The following ZBED4 variants were observed in gnomAD, a reference collection of about 807,000 sequenced individuals.
The protein encoded by ZBED4 is zinc finger BED domain-containing protein 4.
Under a neutral mutation model 15.5 loss-of-function variants are expected in ZBED4, and 4 were observed. That is an observed-to-expected ratio of 0.26 (90% CI 0.13 to 0.59). The LOEUF is 0.59. Ranked by LOEUF, ZBED4 falls within the 20% of genes least tolerant of loss-of-function variation. The pLI, the probability that ZBED4 is intolerant of heterozygous loss-of-function variation, is 0.90. For synonymous variants in ZBED4, 692 were observed against 608.5 expected, an observed-to-expected ratio of 1.14 and a Z score of -2.02; for missense variants, 1,323 against 1,461.8, an observed-to-expected ratio of 0.91 and a Z score of 1.55.
At chr22:49,859,074 C>T (rs551478445) in intron 1 of ZBED4, among the ~76,000 whole-genome samples, 6 of 152,276 alleles carry the variant, frequency 3.9e-5, no homozygotes, top group Middle Eastern at 3.4e-3. Flanking sequence ...GGTGTGTGGA[C>T]GCTCTGCTCC....
rs1188854111 is a variant in ZBED4, at chr22:49,887,452, T to TTA, written c.*275_*276insAT. 3.4e-5 allele frequency: 11 copies of TTA among 319,566 alleles called. No individual in the cohort carries two copies. The highest frequency in any genetic ancestry group is 9.7e-5 in the South Asian group (1 of 10,352). 19.8% of individuals were successfully genotyped at this position (319,566 alleles called of 1,614,324 possible). A position where few individuals can be genotyped will look rare whatever the true frequency, so the allele number is the denominator to read the frequency against. On this transcript the variant is annotated 3_prime_UTR_variant, in exon 2 of 2. Transcript: ENST00000216268. ...AGATTTTAATTCATAACCGTAAAGT[T>TTA]TTTTAAAGTTTTGGGTTAGTAATTT...
chr22:49,857,714 C>G (rs1372034135), intron 1 of ZBED4, among the ~76,000 whole-genome samples: 1 of 152,160 alleles, frequency 6.6e-6, no homozygotes, highest in Non-Finnish European at 1.5e-5. Context: ...GCCTTAGCTC[C>G]CTGAGTAGCT....
chr22:49,867,403 A>G (rs2295408), intron 1 of ZBED4, among the ~76,000 whole-genome samples: 95,406 of 151,968 alleles, frequency 0.63, 35,005 homozygotes, highest in East Asian at 0.85. Context: ...ACTGCGGTGC[A>G]TCCACTGGGT....
In ZBED4 at chr22:49,884,397, C is replaced by T. The variant is rs752539183; in HGVS notation, c.735C>T (p.Cys245=). The change falls in exon 2 of 2, where the codon TGC becomes TGT. Residue 245 remains cysteine, a synonymous_variant. Transcript: ENST00000216268. ...ISSDMSVSEK[C]GREEALVGSS... is the part of the protein sequence containing the mutation. ...CTGACATGTCCGTTTCGGAGAAGTG[C>T]GGCAGAGAAGAAGCCCTGGTGGGGT... is the stretch of plus-strand genomic sequence containing the variant. 2.2e-5 allele frequency: 36 copies of T among 1,612,630 alleles called. No individual in the cohort carries two copies. Among genetic ancestry groups the T allele is most frequent in the East Asian group, 2.0e-4 (9 of 44,868 alleles).
At chr22:49,871,762 T>TTA (rs753588917) in intron 1 of ZBED4, among the ~76,000 whole-genome samples, 5,484 of 149,260 alleles carry the variant, frequency 0.037, 137 homozygotes, top group Non-Finnish European at 0.051. Context: ...TATTTATTTT[T>TTA]TTTTTTTTTT....
rs755747589 is a variant in ZBED4 at position 49,883,766 on chromosome 22, A to G, written c.104A>G (p.Asp35Gly). The part of the protein sequence containing the change: ...EEEDDDGIPP[D>G]SLERMDFKSE... ...GAAGATGATGATGGAATTCCTCCTG[A>G]TAGTTTGGAAAGAATGGACTTTAAA... Residue 35 changes from aspartate to glycine, a missense_variant, in exon 2 of 2, where the codon GAT (aspartate) becomes GGT (glycine). Asp to Gly is a moderately conservative substitution (Grantham distance 94, BLOSUM62 -1). Around this residue, in one of 6 missense-constraint regions of ZBED4, gnomAD observed 380 missense variants for 413.7 expected, o/e 0.92. Transcript: ENST00000216268. The G allele has an allele frequency of 3.1e-6, 5 of 1,613,156 alleles. No individual in the cohort carries two copies. The highest frequency in any genetic ancestry group is 4.2e-6 in the Non-Finnish European group (5 of 1,179,282).
chr22:49,877,209 CT>C (rs1271601643), intron 1 of ZBED4, among the ~76,000 whole-genome samples: 1 of 148,174 alleles, frequency 6.7e-6, no homozygotes, highest in East Asian at 2.0e-4. Context: ...GGAAGTCTTG[CT>C]TTTTTATTCA....
At chr22:49,872,425 A>G (rs2060352825) in intron 1 of ZBED4, among the ~76,000 whole-genome samples, 1 of 152,116 alleles carries the variant, frequency 6.6e-6, no homozygotes, top group Admixed American at 6.5e-5. Context: ...TCCTCCATTG[A>G]AGTCTGAGCC....
chr22:49,886,705 T>C lies in ZBED4; in HGVS notation c.3043T>C (p.Ser1015Pro). The C allele has an allele frequency of 6.2e-7, 1 of 1,613,260 alleles. No individual in the cohort carries two copies. The highest frequency in any genetic ancestry group is 8.5e-7 in the Non-Finnish European group (1 of 1,179,782). Residue 1015 changes from serine to proline, a missense_variant, in exon 2 of 2, where the codon TCC becomes CCC. Transcript: ENST00000216268. The surrounding 1 kb of genome is among the most constrained non-coding windows in gnomAD (Gnocchi z 7.7). ...ATLLDPRYKA[S>P]LFTEEEAEQY... Reference sequence around the variant, plus strand: ...GCTGCTGGATCCTCGCTACAAGGCCTCCCTGTTTACGGAGGAGGAGGCGGA... The same window carrying C: ...GCTGCTGGATCCTCGCTACAAGGCCCCCCTGTTTACGGAGGAGGAGGCGGA...
At position 49,886,800 on chromosome 22, in the gene ZBED4, C is replaced by G. The variant is rs1418739031; in HGVS notation, c.3138C>G (p.Ser1046=). The G allele has an allele frequency of 1.2e-6, 2 of 1,612,850 alleles. No homozygotes were observed. Among genetic ancestry groups the G allele is most frequent in the African/African-American group, 2.7e-5 (2 of 74,850 alleles). ...CTACCTCAGAGGACGTGGCTGCCTC[C>G]CACAGGTGTGATGCTGGCTCCCCGT... is the stretch of plus-strand genomic sequence containing the variant. The part of the protein sequence containing the change: ...MNSTSEDVAA[S]HRCDAGSPSK... Residue 1046 remains serine (S), a synonymous_variant, in exon 2 of 2, where the codon TCC becomes TCG. Coordinates refer to ENST00000216268, the MANE Select transcript of ZBED4 (RefSeq NM_014838.3). This position sits in a 1 kb window ranked among gnomAD's most constrained non-coding sequence, Gnocchi z 7.7.
chr22:49,867,826 C>G (rs1280816050), intron 1 of ZBED4, among the ~76,000 whole-genome samples: 1 of 152,210 alleles, frequency 6.6e-6, no homozygotes, highest in Non-Finnish European at 1.5e-5. Flanking sequence ...ATTTAATTCA[C>G]CTGATGTGCC....
intron 1 of ZBED4, among the ~76,000 whole-genome samples, chr22:49,877,539 C>T (rs1382531422): frequency 6.6e-6 from 1 of 152,102 alleles, no homozygotes; most frequent in Non-Finnish European, 1.5e-5. Context: ...TGATCCCTCC[C>T]ACCTTGGCCT....
At chr22:49,873,788 T>G (rs1188834254) in intron 1 of ZBED4, among the ~76,000 whole-genome samples, 1 of 152,188 alleles carries the variant, frequency 6.6e-6, no homozygotes, top group Non-Finnish European at 1.5e-5. Context: ...GAATGAGATG[T>G]CTGTTTTGAA....
Position 49,884,150 on chromosome 22 carries a change from G to C in ZBED4, c.488G>C (p.Arg163Pro). Residue 163 changes from arginine (R) to proline (P), a missense_variant, in exon 2 of 2, where the codon CGC (arginine) becomes CCC (proline). Physicochemically the swap from Arg to Pro is moderately radical, Grantham distance 103 (BLOSUM62 -2). This residue lies in a region of ZBED4 where 380 missense variants were observed against 413.7 expected (regional missense o/e 0.92). Transcript: ENST00000216268. ...AGTTGTCTCATGAGGCACGTGAGGC[G>C]CGCACACCCGACCGTGCTCATTCAG... ...STSCLMRHVR[R>P]AHPTVLIQEN... The C allele has an allele frequency of 6.2e-7, 1 of 1,613,666 alleles. No individual in the cohort carries two copies.
intron 1 of ZBED4, among the ~76,000 whole-genome samples, chr22:49,867,142 C>T (rs2147514087): frequency 6.6e-6 from 1 of 152,348 alleles, no homozygotes; most frequent in East Asian, 1.9e-4. Flanking sequence ...CAGTTTACCT[C>T]ACGGTTTGTT....
chr22:49,878,949 C>T (rs1340694768), intron 1 of ZBED4, among the ~76,000 whole-genome samples: 3 of 151,692 alleles, frequency 2.0e-5, no homozygotes, highest in East Asian at 2.0e-4. Context: ...TAGAGACCAT[C>T]GTGGCCAACA....
rs1435149308 is a variant in ZBED4 at position 49,883,344 on chromosome 22, A to AGGG, written c.-318_-316dup. 1.1e-4 allele frequency: 24 copies of AGGG among 215,848 alleles called. No individual in the cohort carries two copies. Among genetic ancestry groups the AGGG allele is most frequent in the Non-Finnish European group, 2.0e-4 (22 of 108,842 alleles). The allele number at this position is 215,848 out of a possible 1,614,324, so 13.4% of individuals were successfully genotyped here. A position where few individuals can be genotyped will look rare whatever the true frequency, so the allele number is the denominator to read the frequency against. ...TTTCATCTCTTATAGGTAATGCACA[A>AGGG]GGGTCACGTGTATGCTCTCAAGATG... On this transcript the variant is annotated 5_prime_UTR_variant, in exon 2 of 2. Coordinates refer to ENST00000216268, the MANE Select transcript of ZBED4 (RefSeq NM_014838.3).
rs2060439722 is a variant in ZBED4, at chr22:49,886,483, G to A, written c.2821G>A (p.Glu941Lys). 4 of 1,569,130 alleles carry A rather than the reference G, an allele frequency of 2.5e-6. No individual in the cohort carries two copies. Among genetic ancestry groups the A allele is most frequent in the Non-Finnish European group, 2.6e-6 (3 of 1,155,840 alleles). Reference sequence around the variant, plus strand: ...CGTGTGCCGTGCGCTAAAGCCCTTCGAGGCTGCGAGCCGGGAGATGAGCAC... The same window carrying A: ...CGTGTGCCGTGCGCTAAAGCCCTTCAAGGCTGCGAGCCGGGAGATGAGCAC... ...QSVCRALKPF[E>K]AASREMSTQM... Residue 941 changes from glutamate (E) to lysine (K), a missense_variant, in exon 2 of 2, where the codon GAG (glutamate) becomes AAG (lysine). Coordinates refer to ENST00000216268, the MANE Select transcript of ZBED4 (RefSeq NM_014838.3). The surrounding 1 kb of genome is among the most constrained non-coding windows in gnomAD (Gnocchi z 7.7).
chr22:49,854,121 G>C (rs1206243301), intron 1 of ZBED4, 132 bp downstream of exon 1: 3 of 145,236 alleles, frequency 2.1e-5, no homozygotes, highest in African/African-American at 4.9e-5. Context: ...GCGGGCGGGG[G>C]CGCGGTTCCG....
Sources: gnomAD v4.1 joint callset for allele counts (sites outside exome capture counted in the v4.1 genomes callset) on GRCh38, gnomAD v4.1.1 for gene constraint, gnomAD v4.1.1 regional missense constraint, Gnocchi (gnomAD v3.1) non-coding constraint, MANE v1.5 for transcripts, NCBI Gene and HGNC (gene_info 2026-07-23, HGNC 2026-07-21) for gene names.